The following GTF2F2 variants were observed in gnomAD, a reference collection of about 807,000 sequenced individuals.
The protein encoded by GTF2F2 is general transcription factor IIF subunit 2, also known as ATP-dependent helicase GTF2F2.
Under a neutral mutation model 42.2 loss-of-function variants are expected in GTF2F2, and 23 were observed. The observed-to-expected ratio is 0.55, with a 90% CI of 0.39 to 0.77. The LOEUF (loss-of-function observed/expected upper bound fraction) is 0.77, where lower values mean the gene tolerates loss of function less well. GTF2F2 is among the 30% of genes least tolerant of loss of function. GTF2F2 has a pLI of 0.00. For missense variants in GTF2F2, 261 were observed against 287.2 expected (o/e 0.91, Z 0.66); for synonymous variants, 105 against 100.8 (o/e 1.04, Z -0.25).
intron 5 of GTF2F2, among the ~76,000 whole-genome samples, chr13:45,250,078 A>G (rs1030471327): frequency 3.5e-5 from 4 of 114,764 alleles, no homozygotes; most frequent in South Asian, 2.7e-4. Flanking sequence ...TTTTTTTGAG[A>G]CAGTCTCTCT....
chr13:45,241,781 AC>A (rs769540012), intron 5 of GTF2F2, among the ~76,000 whole-genome samples: 1 of 152,032 alleles, frequency 6.6e-6, no homozygotes, highest in Non-Finnish European at 1.5e-5. Context: ...GGAGCCTGAG[AC>A]TTTTCTTCTT....
intron 4 of GTF2F2, among the ~76,000 whole-genome samples, chr13:45,154,182 A>G (rs962779389): frequency 1.3e-5 from 2 of 152,002 alleles, no homozygotes; most frequent in Non-Finnish European, 2.9e-5. Flanking sequence ...AGAAACTTGA[A>G]CTTTTTTTTG....
chr13:45,199,705 G>A (rs1308902495), intron 4 of GTF2F2, among the ~76,000 whole-genome samples: 1 of 152,136 alleles, frequency 6.6e-6, no homozygotes, highest in Non-Finnish European at 1.5e-5. Context: ...GATATTTTAA[G>A]CTAATAACCA....
intron 5 of GTF2F2, among the ~76,000 whole-genome samples, chr13:45,216,679 G>A (rs1387804192): frequency 6.6e-6 from 1 of 151,862 alleles, no homozygotes; most frequent in Non-Finnish European, 1.5e-5. Context: ...CACCACGCCT[G>A]GCTATTTTTT....
intron 4 of GTF2F2, among the ~76,000 whole-genome samples, chr13:45,180,965 C>T (rs1358775214): frequency 1.3e-5 from 2 of 151,212 alleles, no homozygotes; most frequent in Admixed American, 6.6e-5. Context: ...AGTTCGAGAC[C>T]AGCCTGCCAG....
chr13:45,185,032 A>G lies in GTF2F2; in HGVS notation c.305-22392A>G, dbSNP rs1872350757. ...GAGACAGGGTTTTGCCATGTTGCCT[A>G]GGCTGGTCTTGAACTCCTGGGCTCA... On this transcript the variant is annotated intron_variant, in intron 4 of 7. Coordinates refer to ENST00000340473, the MANE Select transcript of GTF2F2 (RefSeq NM_004128.3). Among the ~76,000 whole-genome samples, 3 of 152,016 alleles carry G rather than the reference A, an allele frequency of 2.0e-5. No homozygotes were observed. The South Asian group carries it at 6.2e-4, about 31-fold the overall frequency.
chr13:45,144,086 T>C (rs1353735376), intron 2 of GTF2F2, among the ~76,000 whole-genome samples: 1 of 152,038 alleles, frequency 6.6e-6, no homozygotes, highest in Non-Finnish European at 1.5e-5. Flanking sequence ...ACCCCGTCTC[T>C]ACTAAAAATA....
intron 4 of GTF2F2, among the ~76,000 whole-genome samples, chr13:45,187,777 T>C (rs1453052241): frequency 6.6e-6 from 1 of 152,256 alleles, no homozygotes; most frequent in East Asian, 1.9e-4. Flanking sequence ...TTTGTTTTGT[T>C]AGCAAGGATA....
intron 7 of GTF2F2, among the ~76,000 whole-genome samples, chr13:45,270,294 T>C (rs1876735649): frequency 6.6e-6 from 1 of 152,182 alleles, no homozygotes; most frequent in Admixed American, 6.5e-5. Flanking sequence ...GTCGGGGACA[T>C]AGTATCCATT....
intron 5 of GTF2F2, among the ~76,000 whole-genome samples, chr13:45,221,648 C>T (rs771476519): frequency 1.3e-5 from 2 of 152,092 alleles, no homozygotes; most frequent in East Asian, 3.9e-4. Flanking sequence ...TAAGTAGTAG[C>T]TCCTTCCTTC....
intron 4 of GTF2F2, among the ~76,000 whole-genome samples, chr13:45,199,100 A>G (rs1873046891): frequency 6.6e-6 from 1 of 152,254 alleles, no homozygotes. Flanking sequence ...AACTGTGCCA[A>G]GTACTTGAAC....
At chr13:45,250,664 T>C (rs1401273873) in intron 5 of GTF2F2, among the ~76,000 whole-genome samples, 1 of 152,084 alleles carries the variant, frequency 6.6e-6, no homozygotes, top group African/African-American at 2.4e-5. Context: ...CAGAGGCAGA[T>C]ACAGGAGAAT....
rs868519639 is a variant in GTF2F2, at chr13:45,283,704, G to A, written c.*143G>A. On this transcript the variant is annotated 3_prime_UTR_variant, in exon 8 of 8. Transcript: ENST00000340473. Reference sequence around the variant, plus strand: ...TTCTCTCGGTAAATTTTTTAAACCTGTAATTCTTGTAAAGTTTCTTAACTG... The same window carrying A: ...TTCTCTCGGTAAATTTTTTAAACCTATAATTCTTGTAAAGTTTCTTAACTG... The A allele has an allele frequency of 1.0e-5, 5 of 498,228 alleles. No homozygotes were observed. The highest frequency in any genetic ancestry group is 1.2e-3 in the Middle Eastern group (2 of 1,704). The allele number at this position is 498,228 out of a possible 1,614,324, so 30.9% of individuals were successfully genotyped here. A position where few individuals can be genotyped will look rare whatever the true frequency, so the allele number is the denominator to read the frequency against.
intron 7 of GTF2F2, among the ~76,000 whole-genome samples, chr13:45,270,234 A>G (rs1876732773): frequency 6.6e-6 from 1 of 152,200 alleles, no homozygotes; most frequent in Admixed American, 6.5e-5. Flanking sequence ...GCAACTAGAA[A>G]GAGTGAAAGT....
intron 4 of GTF2F2, among the ~76,000 whole-genome samples, chr13:45,170,956 C>G (rs758980576): frequency 6.6e-6 from 1 of 151,474 alleles, no homozygotes; most frequent in Non-Finnish European, 1.5e-5. Context: ...TGGTAACAGA[C>G]AGTTGGCTCA....
intron 5 of GTF2F2, among the ~76,000 whole-genome samples, chr13:45,234,367 A>G (rs1026405855): frequency 6.6e-6 from 1 of 152,138 alleles, no homozygotes; most frequent in African/African-American, 2.4e-5. Flanking sequence ...TAATATACAG[A>G]GTCTAGATTT....
chr13:45,242,358 C>G (rs373279588), intron 5 of GTF2F2, among the ~76,000 whole-genome samples: 1 of 149,056 alleles, frequency 6.7e-6, no homozygotes, highest in African/African-American at 2.5e-5. Flanking sequence ...CTGCTTCTTG[C>G]TGTGAAAACT....
At chr13:45,140,450 G>A (rs968728535) in intron 2 of GTF2F2, among the ~76,000 whole-genome samples, 20 of 152,176 alleles carry the variant, frequency 1.3e-4, no homozygotes, top group African/African-American at 4.3e-4. Flanking sequence ...CATTTACTAT[G>A]AGTGAGACTT....
Position 45,153,314 on chromosome 13 carries a change from G to A in GTF2F2, c.304+1483G>A, listed in dbSNP as rs537495318. 2.0e-4 allele frequency among the ~76,000 whole-genome samples: 30 copies of A among 152,062 alleles called. No individual in the cohort carries two copies. In the East Asian group the frequency reaches 2.9e-3, roughly 15 times the overall value. Reference sequence around the variant, plus strand: ...ATTACAGGCATGAGCCACCGGGCCCGGCCGAATTTTTTTTGTGGTATCTTA... The same window carrying A: ...ATTACAGGCATGAGCCACCGGGCCCAGCCGAATTTTTTTTGTGGTATCTTA... On this transcript the variant is annotated intron_variant, in intron 4 of 7. Coordinates refer to ENST00000340473, the MANE Select transcript of GTF2F2 (RefSeq NM_004128.3).
Sources: gnomAD v4.1 joint callset for allele counts (sites outside exome capture counted in the v4.1 genomes callset) on GRCh38, gnomAD v4.1.1 for gene constraint, MANE v1.5 for transcripts, NCBI Gene and HGNC (gene_info 2026-07-23, HGNC 2026-07-21) for gene names.